Variants in IQCF5 observed in about 807,000 individuals in gnomAD.
IQCF5 encodes the protein IQ domain-containing protein F5.
In IQCF5, 2 loss-of-function variants were observed where a neutral mutation model predicts 3.4. The ratio of observed to expected loss-of-function variants is 0.58; its 90% CI spans 0.24 to 1.84. The LOEUF is 1.84. Ranked by LOEUF, IQCF5 falls within the 40% of genes most tolerant of loss-of-function variation. The probability of loss-of-function intolerance (pLI) is 0.17; values close to 1 mark genes in which losing one functional copy is unlikely to be tolerated. For missense variants in IQCF5, 167 were observed against 191.6 expected (o/e 0.87, Z 0.76); for synonymous variants, 58 against 64.7 (o/e 0.90, Z 0.49).
intron 1 of IQCF5, chr3:51,874,649 A>G (rs1207294453): frequency 1.7e-5 from 6 of 356,862 alleles, no homozygotes. Flanking sequence ...CACCTCACAC[A>G]CATTGTGAAC....
At chr3:51,874,240 T>C (rs183822521) in intron 1 of IQCF5, 65 bp from the exon 2 acceptor site, 238 of 1,470,634 alleles carry the variant, frequency 1.6e-4, no homozygotes, top group Non-Finnish European at 1.4e-4. Flanking sequence ...CTATCAATGA[T>C]GGCTCCTTCC....
At position 51,875,573 on chromosome 3, in the gene IQCF5, C is replaced by A. The variant is rs1224645079; in HGVS notation, c.-42G>T. On this transcript the variant is annotated 5_prime_UTR_variant, in exon 1 of 2. Transcript: ENST00000446461. ...GTCCCATCACCCTCCGGCCCGCACT[C>A]CTCCGATCAGGACTCCAACAGGAAG... The A allele has an allele frequency of 6.4e-7, 1 of 1,551,780 alleles. No homozygotes were observed. Among genetic ancestry groups the A allele is most frequent in the Admixed American group, 2.0e-5 (1 of 51,014 alleles).
Position 51,875,549 on chromosome 3 carries a change from T to C in IQCF5, c.-18A>G. ...TTACCCATGGTTAGGGGCTAGATGG[T>C]CCCATCACCCTCCGGCCCGCACTCC... On this transcript the variant is annotated 5_prime_UTR_variant, in exon 1 of 2. Transcript: ENST00000446461. The C allele has an allele frequency of 6.4e-7, 1 of 1,552,074 alleles. No homozygotes were observed. The highest frequency in any genetic ancestry group is 2.4e-5 in the East Asian group (1 of 40,910).
intron 1 of IQCF5, chr3:51,874,420 T>G: frequency 1.5e-6 from 1 of 664,846 alleles, no homozygotes. Flanking sequence ...TCATTCCATT[T>G]TCCATGGACC....
intron 1 of IQCF5, chr3:51,874,376 T>C (rs1225901676): frequency 1.4e-6 from 1 of 704,230 alleles, no homozygotes; most frequent in Non-Finnish European, 2.6e-6. Context: ...AATGTCCCCA[T>C]CTGCAAAATA....
chr3:51,874,206 A>G (rs1222260404), intron 1 of IQCF5, 31 bp from the exon 2 acceptor site: 5 of 1,540,848 alleles, frequency 3.2e-6, no homozygotes, highest in Non-Finnish European at 4.4e-6. Flanking sequence ...CACTCAGGGT[A>G]TGCTAGGAAG....
At chr3:51,875,322 G>T in intron 1 of IQCF5, 1 of 629,300 alleles carries the variant, frequency 1.6e-6, no homozygotes. Context: ...ACTGCTAGGT[G>T]CCAAGTCAAA....
In IQCF5 at chr3:51,873,830, T is replaced by C. The variant is rs780465580; in HGVS notation, c.350A>G (p.Glu117Gly). 24 of 1,551,648 alleles carry C rather than the reference T, an allele frequency of 1.5e-5. No individual in the cohort carries two copies. The highest frequency in any genetic ancestry group is 5.9e-5 in the Admixed American group (3 of 50,998). Residue 117 changes from glutamate to glycine, a missense_variant, in exon 2 of 2, where the codon GAA becomes GGA. Coordinates refer to ENST00000446461, the MANE Select transcript of IQCF5 (RefSeq NM_001145059.2). ...AATATTAAGTTGGTTTTCTTTGAGT[T>C]CATAGTGGCCCTCAATAAAGACACG... Reference protein sequence around the residue: ...HSRVFIEGHYELKENQLNIQL... With the variant: ...HSRVFIEGHYGLKENQLNIQL...
Position 51,874,171 on chromosome 3 carries a change from TG to T in IQCF5, c.8del (p.Pro3GlnfsTer7), listed in dbSNP as rs1308594685. 3.2e-6 allele frequency: 5 copies of T among 1,550,114 alleles called. No homozygotes were observed. The highest frequency in any genetic ancestry group is 4.4e-6 in the Non-Finnish European group (5 of 1,145,802). ...TTTCTGTCATGATGGTCTTCTCTTC[TG>T]GGCCTTACAAGAGAAAACAGACACA... is the stretch of plus-strand genomic sequence containing the variant. MGPEEKTIMTERS... is the reference protein window; with the variant it reads MGXEEKTIMTERS... On this transcript the variant is annotated frameshift_variant, in exon 2 of 2. Transcript: ENST00000446461. LOFTEE classifies it low-confidence loss of function (END_TRUNC).
rs776209013 is a variant in IQCF5, at chr3:51,874,213, G to C, written c.5-38C>G. On this transcript the variant is annotated intron_variant, in intron 1 of 1. Coordinates refer to ENST00000446461, the MANE Select transcript of IQCF5 (RefSeq NM_001145059.2). Reference sequence around the variant, plus strand: ...AACAGACACACTCAGGGTATGCTAGGAAGGGGCCCTGATCCTCTATCAATG... The same window carrying C: ...AACAGACACACTCAGGGTATGCTAGCAAGGGGCCCTGATCCTCTATCAATG... 1.2e-5 allele frequency: 18 copies of C among 1,529,984 alleles called. No homozygotes were observed. In the Admixed American group the frequency reaches 3.5e-4, roughly 30 times the overall value. The allele number at this position is 1,529,984 out of a possible 1,614,324, so 94.8% of individuals were successfully genotyped here.
chr3:51,874,015 CT>C lies in IQCF5; in HGVS notation c.164del (p.Lys55ArgfsTer92). 6.4e-7 allele frequency: 1 copy of C among 1,552,776 alleles called. No homozygotes were observed. Among genetic ancestry groups the C allele is most frequent in the Non-Finnish European group, 8.7e-7 (1 of 1,147,488 alleles). ...WRQVLEKLLA[K>X]RRRMVLEFYV... ...AGAACTCCAACACCATCCTCCGCCTCTTTGCCAGCAGCTTCTCCAGCACCTG... is the reference window on the plus strand; with the variant it reads ...AGAACTCCAACACCATCCTCCGCCTCTTGCCAGCAGCTTCTCCAGCACCTG... On this transcript the variant is annotated frameshift_variant, in exon 2 of 2. Coordinates refer to ENST00000446461, the MANE Select transcript of IQCF5 (RefSeq NM_001145059.2). LOFTEE classifies it low-confidence loss of function (END_TRUNC).
At chr3:51,874,340 C>A (rs1334318902) in intron 1 of IQCF5, 165 bp from the exon 2 acceptor site, 3 of 736,846 alleles carry the variant, frequency 4.1e-6, no homozygotes, top group Admixed American at 2.0e-5. Flanking sequence ...AGTGGATGTG[C>A]TCACCTCACT....
rs1190575303 is a variant in IQCF5, at chr3:51,874,011, G to A, written c.169C>T (p.Arg57Trp). 30 of 1,552,588 alleles carry A rather than the reference G, an allele frequency of 1.9e-5. No individual in the cohort carries two copies. Among genetic ancestry groups the A allele is most frequent in the African/African-American group, 2.7e-5 (2 of 73,192 alleles). Residue 57 changes from arginine (R) to tryptophan (W), a missense_variant, in exon 2 of 2, where the codon CGG (arginine) becomes TGG (tryptophan). Transcript: ENST00000446461. Reference protein sequence around the residue: ...QVLEKLLAKRRRMVLEFYVQQ... With the variant: ...QVLEKLLAKRWRMVLEFYVQQ... Reference sequence around the variant, plus strand: ...ACATAGAACTCCAACACCATCCTCCGCCTCTTTGCCAGCAGCTTCTCCAGC... The same window carrying A: ...ACATAGAACTCCAACACCATCCTCCACCTCTTTGCCAGCAGCTTCTCCAGC...
At position 51,875,563 on chromosome 3, in the gene IQCF5, G is replaced by A. The variant is rs186713974; in HGVS notation, c.-32C>T. Reference sequence around the variant, plus strand: ...GGGCTAGATGGTCCCATCACCCTCCGGCCCGCACTCCTCCGATCAGGACTC... The same window carrying A: ...GGGCTAGATGGTCCCATCACCCTCCAGCCCGCACTCCTCCGATCAGGACTC... On this transcript the variant is annotated 5_prime_UTR_variant, in exon 1 of 2. Coordinates refer to ENST00000446461, the MANE Select transcript of IQCF5 (RefSeq NM_001145059.2). The A allele has an allele frequency of 5.3e-5, 82 of 1,551,834 alleles. No individual in the cohort carries two copies. Among genetic ancestry groups the A allele is most frequent in the African/African-American group, 4.5e-4 (33 of 73,114 alleles).
At chr3:51,875,475 C>T (rs1698786082) in intron 1 of IQCF5, 53 bp downstream of exon 1, 37 of 1,549,192 alleles carry the variant, frequency 2.4e-5, no homozygotes, top group Non-Finnish European at 3.0e-5. Context: ...TACAAAACAT[C>T]TGACTGGGGA....
chr3:51,875,482 G>A (rs1698786177), intron 1 of IQCF5, 46 bp downstream of exon 1: 1 of 1,550,462 alleles, frequency 6.4e-7, no homozygotes, highest in South Asian at 1.2e-5. Flanking sequence ...CATCTGACTG[G>A]GGACAGGTCG....
chr3:51,874,049 C>A lies in IQCF5; in HGVS notation c.131G>T (p.Trp44Leu). Reference protein sequence around the residue: ...AALRAWIIQCWWRQVLEKLLA... With the variant: ...AALRAWIIQCLWRQVLEKLLA... ...CAGCTTCTCCAGCACCTGCCTCCAC[C>A]AGCACTGAATGATCCAAGCCCTGAG... The change falls in exon 2 of 2, where the codon TGG becomes TTG. Residue 44 changes from tryptophan to leucine, a missense_variant. By Grantham distance (61) the Trp-to-Leu change is moderately conservative (BLOSUM62 -2). Coordinates refer to ENST00000446461, the MANE Select transcript of IQCF5 (RefSeq NM_001145059.2). The A allele has an allele frequency of 6.4e-7, 1 of 1,553,418 alleles. No individual in the cohort carries two copies.
intron 1 of IQCF5, chr3:51,875,190 C>A: frequency 3.2e-6 from 1 of 316,378 alleles, no homozygotes; most frequent in Admixed American, 4.1e-5. Flanking sequence ...TTGTTCCTTC[C>A]AGCTCTGTTC....
chr3:51,874,109 C>T lies in IQCF5; in HGVS notation c.71G>A (p.Gly24Asp), dbSNP rs1288847762. Residue 24 changes from glycine (G) to aspartate (D), a missense_variant, in exon 2 of 2, where the codon GGC (glycine) becomes GAC (aspartate). By Grantham distance (94) the Gly-to-Asp change is moderately conservative. Coordinates refer to ENST00000446461, the MANE Select transcript of IQCF5 (RefSeq NM_001145059.2). Reference sequence around the variant, plus strand: ...CAGCAGTGTGCGTCGCACCAGCATGCCCCGCCACCAGGCCTGGATGAAAAC... The same window carrying T: ...CAGCAGTGTGCGTCGCACCAGCATGTCCCGCCACCAGGCCTGGATGAAAAC... Reference protein sequence around the residue: ...AAVFIQAWWRGMLVRRTLLHA... With the variant: ...AAVFIQAWWRDMLVRRTLLHA... 1.3e-6 allele frequency: 2 copies of T among 1,552,528 alleles called. No homozygotes were observed. The highest frequency in any genetic ancestry group is 2.0e-5 in the Admixed American group (1 of 51,042).
Sources: gnomAD v4.1 joint callset for allele counts on GRCh38, gnomAD v4.1.1 for gene constraint, MANE v1.5 for transcripts, NCBI Gene and HGNC (gene_info 2026-07-23, HGNC 2026-07-21) for gene names.